DTL: variants seen among roughly 807,000 people sequenced by gnomAD.
DTL encodes denticleless protein homolog.
Under a neutral mutation model 87.0 loss-of-function variants are expected in DTL, and 46 were observed. The ratio of observed to expected loss-of-function variants is 0.53; its 90% CI spans 0.42 to 0.68. The LOEUF (loss-of-function observed/expected upper bound fraction) is 0.68. DTL is among the 30% of genes least tolerant of loss of function. The pLI is 0.00. For synonymous variants in DTL, 308 were observed against 311.2 expected (o/e 0.99, Z 0.11); for missense variants, 737 against 869.4 (o/e 0.85, Z 1.91).
At chr1:212,047,746 G>A (rs1309142006) in intron 5 of DTL, among the ~76,000 whole-genome samples, 1 of 152,164 alleles carries the variant, frequency 6.6e-6, no homozygotes, top group Non-Finnish European at 1.5e-5. Flanking sequence ...ATGTTGGCCA[G>A]GCTGGTCTAG....
chr1:212,037,672 C>A (rs1416945832), intron 1 of DTL, among the ~76,000 whole-genome samples: 1 of 152,152 alleles, frequency 6.6e-6, no homozygotes, highest in Admixed American at 6.5e-5. Context: ...TAATTGTGTG[C>A]TATACATATA....
intron 12 of DTL, among the ~76,000 whole-genome samples, chr1:212,079,545 A>C (rs1654932404): frequency 6.6e-6 from 1 of 152,190 alleles, no homozygotes; most frequent in Non-Finnish European, 1.5e-5. Flanking sequence ...GAATAGGAGA[A>C]AGCTGGGTTT....
chr1:212,102,725 T>G (rs1655660061), intron 14 of DTL, 117 bp from the exon 15 acceptor site: 3 of 669,680 alleles, frequency 4.5e-6, no homozygotes, highest in Non-Finnish European at 7.7e-6. Context: ...TATTTGGAGC[T>G]GAAAGCAGGC....
rs61733816 is a variant in DTL, at chr1:212,100,261, C to A, written c.1271C>A (p.Thr424Lys). 1 of 1,553,604 alleles carries A rather than the reference C, an allele frequency of 6.4e-7. No individual in the cohort carries two copies. ...CTCTCCTCTTTTTCAGTAACAGTAA[C>A]GAGTAGCCAGAGTACTCCTGCCAAA... ...KESRPGLVTV[T>K]SSQSTPAKAP... The change falls in exon 14 of 15, where the codon ACG becomes AAG. Residue 424 changes from threonine to lysine, a missense_variant. Thr to Lys is a moderately conservative substitution (Grantham distance 78). Coordinates refer to ENST00000366991, the MANE Select transcript of DTL (RefSeq NM_016448.4).
chr1:212,037,902 G>T (rs1192893204), intron 1 of DTL, among the ~76,000 whole-genome samples: 1 of 152,176 alleles, frequency 6.6e-6, no homozygotes, highest in East Asian at 1.9e-4. Context: ...TCATTCATTT[G>T]TATGATTATT....
At chr1:212,089,166 G>T (rs1024717215) in intron 13 of DTL, among the ~76,000 whole-genome samples, 3 of 152,110 alleles carry the variant, frequency 2.0e-5, no homozygotes, top group African/African-American at 4.8e-5. Flanking sequence ...AAGCATTTAG[G>T]GCAATAACTC....
At chr1:212,038,992 C>T (rs1179257398) in intron 1 of DTL, among the ~76,000 whole-genome samples, 1 of 152,120 alleles carries the variant, frequency 6.6e-6, no homozygotes, top group Admixed American at 6.5e-5. Flanking sequence ...CATATAGCTG[C>T]TTTTTCCTCT....
chr1:212,051,277 A>G (rs1667961650), intron 5 of DTL, among the ~76,000 whole-genome samples: 1 of 151,966 alleles, frequency 6.6e-6, no homozygotes, highest in Non-Finnish European at 1.5e-5. Flanking sequence ...TCTCCCTGGC[A>G]ATGCCATCTT....
intron 5 of DTL, among the ~76,000 whole-genome samples, chr1:212,050,865 T>G (rs1667950516): frequency 6.6e-6 from 1 of 152,204 alleles, no homozygotes; most frequent in Non-Finnish European, 1.5e-5. Flanking sequence ...TTGCTAAGGT[T>G]ATTAATTATC....
At chr1:212,080,921 C>T (rs932181872) in intron 13 of DTL, among the ~76,000 whole-genome samples, 171 bp downstream of exon 13, 5 of 152,130 alleles carry the variant, frequency 3.3e-5, no homozygotes, top group Non-Finnish European at 7.4e-5. Flanking sequence ...CTATGTTTAT[C>T]ATTTACACAA....
At chr1:212,046,340 C>T (rs1667806842) in intron 3 of DTL, among the ~76,000 whole-genome samples, 2 of 152,076 alleles carry the variant, frequency 1.3e-5, no homozygotes, top group South Asian at 2.1e-4. Flanking sequence ...AGGTTTGTTA[C>T]GTAGGTAAAC....
At chr1:212,076,324 T>C (rs750151020) in intron 11 of DTL, among the ~76,000 whole-genome samples, 2 of 152,168 alleles carry the variant, frequency 1.3e-5, no homozygotes, top group African/African-American at 2.4e-5. Flanking sequence ...AGTGCCTGGC[T>C]TAGACTTTTA....
At position 212,035,829 on chromosome 1, in the gene DTL, C is replaced by T. The variant is rs1289161369; in HGVS notation, c.-62C>T. 2 of 1,533,426 alleles carry T rather than the reference C, an allele frequency of 1.3e-6. No homozygotes were observed. The highest frequency in any genetic ancestry group is 2.3e-5 in the East Asian group (1 of 44,274). 95.0% of individuals were successfully genotyped at this position (1,533,426 alleles called of 1,614,324 possible). A position where few individuals can be genotyped will look rare whatever the true frequency, so the allele number is the denominator to read the frequency against. ...TTGTGAGAGGCGCAAGCTGCGATTT[C>T]TGCTGAACTTGGAGGCATTTCTACG... On this transcript the variant is annotated 5_prime_UTR_variant, in exon 1 of 15. Coordinates refer to ENST00000366991, the MANE Select transcript of DTL (RefSeq NM_016448.4).
intron 5 of DTL, among the ~76,000 whole-genome samples, chr1:212,054,332 A>G (rs1306666712): frequency 6.7e-6 from 1 of 148,958 alleles, no homozygotes; most frequent in Non-Finnish European, 1.5e-5. Flanking sequence ...AAGATGGCAG[A>G]TTTTTTAATT....
intron 13 of DTL, among the ~76,000 whole-genome samples, chr1:212,091,681 CCAGA>C (rs1655286614): frequency 6.6e-6 from 1 of 152,084 alleles, no homozygotes; most frequent in Admixed American, 6.5e-5. Flanking sequence ...GAGAAATAAG[CCAGA>C]CAGAGAAAGA....
chr1:212,078,063 GCCT>G, intron 11 of DTL, 107 bp from the exon 12 acceptor site: 1 of 588,398 alleles, frequency 1.7e-6, no homozygotes, highest in Non-Finnish European at 3.0e-6. Context: ...AGGTCTAGTG[GCCT>G]TTGGTAACAA....
intron 13 of DTL, among the ~76,000 whole-genome samples, chr1:212,099,907 G>C (rs1655565170): frequency 6.6e-6 from 1 of 152,040 alleles, no homozygotes. Flanking sequence ...TCTCATTTTT[G>C]TAAAGAAAAA....
intron 3 of DTL, among the ~76,000 whole-genome samples, chr1:212,046,155 A>G (rs1410014032): frequency 6.6e-6 from 1 of 152,198 alleles, no homozygotes; most frequent in Non-Finnish European, 1.5e-5. Context: ...GAACTCATGG[A>G]AAGGAATTTG....
chr1:212,072,896 TG>T (rs961573876), intron 11 of DTL, among the ~76,000 whole-genome samples: 14 of 151,962 alleles, frequency 9.2e-5, no homozygotes, highest in Admixed American at 5.9e-4. Flanking sequence ...CCCGAATAAC[TG>T]GGACTACAGG....
Sources: gnomAD v4.1 joint callset for allele counts (sites outside exome capture counted in the v4.1 genomes callset) on GRCh38, gnomAD v4.1.1 for gene constraint, MANE v1.5 for transcripts, NCBI Gene and HGNC (gene_info 2026-07-23, HGNC 2026-07-21) for gene names.